The following HACD1 variants were observed in gnomAD, a reference collection of about 807,000 sequenced individuals.
HACD1 encodes the protein 3-hydroxyacyl-CoA dehydratase 1, also known as very-long-chain (3R)-3-hydroxyacyl-CoA dehydratase 1.
Under a neutral mutation model 32.0 loss-of-function variants are expected in HACD1, and 41 were observed. That is an observed-to-expected ratio of 1.28 (90% CI 1.00 to 1.66). The LOEUF (loss-of-function observed/expected upper bound fraction) is 1.66. Ranked by LOEUF, HACD1 falls within the 40% of genes most tolerant of loss-of-function variation. The pLI is 0.00. For missense variants in HACD1, 396 were observed against 380.1 expected (o/e 1.04, Z -0.35); for synonymous variants, 142 against 139.0 (o/e 1.02, Z -0.15).
intron 5 of HACD1, 71 bp downstream of exon 5, chr10:17,599,219 A>G (rs1834034622): frequency 6.4e-7 from 1 of 1,569,128 alleles, no homozygotes; most frequent in Non-Finnish European, 8.6e-7. Context: ...ACGAATTTTA[A>G]TTCTCTGGCG....
intron 5 of HACD1, among the ~76,000 whole-genome samples, chr10:17,597,767 G>T (rs1834013369): frequency 1.3e-5 from 2 of 152,104 alleles, no homozygotes; most frequent in East Asian, 3.8e-4. Context: ...CCTTTAAAAA[G>T]CTCAGTCACT....
chr10:17,597,374 G>C (rs1198364605), intron 5 of HACD1, among the ~76,000 whole-genome samples: 1 of 152,206 alleles, frequency 6.6e-6, no homozygotes, highest in Non-Finnish European at 1.5e-5. Flanking sequence ...CTGACCTCAA[G>C]TGATCCGCCC....
At chr10:17,590,540 T>C (rs2131500201) in intron 6 of HACD1, 94 bp from the exon 7 acceptor site, 1 of 830,548 alleles carries the variant, frequency 1.2e-6, no homozygotes, top group South Asian at 1.8e-5. Context: ...AGAGAGTAAA[T>C]ACATCCCATA....
In HACD1 at chr10:17,599,280, A is replaced by G; in HGVS notation, c.605+10T>C. On this transcript the variant is annotated intron_variant, in intron 5 of 6. Transcript: ENST00000361271. The stretch of plus-strand genomic sequence containing the variant: ...GGACAAGGAGAAACTAAACTGCAAG[A>G]TATCGCCACCTGGCCCATTTAATGA... 1 of 1,613,628 alleles carries G rather than the reference A, an allele frequency of 6.2e-7. No homozygotes were observed. The highest frequency in any genetic ancestry group is 8.5e-7 in the Non-Finnish European group (1 of 1,179,912).
At chr10:17,593,507 G>A (rs1037863158) in intron 6 of HACD1, among the ~76,000 whole-genome samples, 13 of 152,168 alleles carry the variant, frequency 8.5e-5, no homozygotes, top group Non-Finnish European at 1.6e-4. Context: ...TAGAGACAGG[G>A]TTTTGCCATG....
At chr10:17,612,088 A>G (rs1832991323) in intron 1 of HACD1, among the ~76,000 whole-genome samples, 1 of 148,794 alleles carries the variant, frequency 6.7e-6, no homozygotes, top group Non-Finnish European at 1.5e-5. Flanking sequence ...CCTAGGCAAC[A>G]AAGCTAAACT....
chr10:17,614,853 C>G lies in HACD1; in HGVS notation c.257+2230G>C, dbSNP rs1394808038. Among the ~76,000 whole-genome samples, 6 of 152,070 alleles carry G rather than the reference C, an allele frequency of 3.9e-5. No individual in the cohort carries two copies. In the East Asian group the frequency reaches 1.2e-3, roughly 30 times the overall value. On this transcript the variant is annotated intron_variant, in intron 1 of 6. Coordinates refer to ENST00000361271, the MANE Select transcript of HACD1 (RefSeq NM_014241.4). ...CTGCAAGCTCCCTCTCCCGGGTTCA[C>G]GCCATTCTCCTGCCTCAGCCTCCGG... is the stretch of plus-strand genomic sequence containing the variant.
chr10:17,603,571 T>TTTATG lies in HACD1; in HGVS notation c.471_472insCATAA (p.Ser158HisfsTer4). On this transcript the variant is annotated frameshift_variant, in exon 4 of 7. Transcript: ENST00000361271. LOFTEE classifies it high-confidence loss of function. ...TTTGTGTCACTTACTGGTTTTATAC[T>TTTATG]GTGAGTAATGAGCCACACCATAAAG... 6.2e-7 allele frequency: 1 copy of TTTATG among 1,610,160 alleles called. No individual in the cohort carries two copies. The highest frequency in any genetic ancestry group is 8.5e-7 in the Non-Finnish European group (1 of 1,176,556).
At chr10:17,604,080 C>A in intron 1 of HACD1, 33 bp from the exon 2 acceptor site, 3 of 1,377,564 alleles carry the variant, frequency 2.2e-6, no homozygotes, top group East Asian at 2.3e-5. Flanking sequence ...AAAGTTCTTT[C>A]GAACTTAATA....
chr10:17,609,008 G>C (rs1554817263), intron 1 of HACD1, among the ~76,000 whole-genome samples: 2 of 151,942 alleles, frequency 1.3e-5, no homozygotes, highest in African/African-American at 4.8e-5. Context: ...GCACTGTTAA[G>C]AGAATAAAAA....
In HACD1 at chr10:17,617,174, C is replaced by A; in HGVS notation, c.166G>T (p.Gly56Cys). Residue 56 changes from glycine to cysteine, a missense_variant, in exon 1 of 7, where the codon GGC (glycine) becomes TGC (cysteine). Physicochemically the swap from Gly to Cys is radical, Grantham distance 159 (BLOSUM62 -3). Transcript: ENST00000361271. ...TCGCCGGGAGCCTCCCGGTCCTCGC[C>A]GGCCTCCGAGGCGCCGCCGTTGGTG... ...DGTNGGASEA[G>C]EDREAPGERR... 2.0e-6 allele frequency: 3 copies of A among 1,504,516 alleles called. No homozygotes were observed. The highest frequency in any genetic ancestry group is 2.0e-4 in the Middle Eastern group (1 of 4,922). 93.2% of individuals were successfully genotyped at this position (1,504,516 alleles called of 1,614,324 possible).
chr10:17,605,868 T>G (rs1834139269), intron 1 of HACD1, among the ~76,000 whole-genome samples: 1 of 151,918 alleles, frequency 6.6e-6, no homozygotes, highest in African/African-American at 2.4e-5. Context: ...GCAGGAGAAT[T>G]GTTTGAACCC....
intron 1 of HACD1, 58 bp from the exon 2 acceptor site, chr10:17,604,105 AT>A (rs1834110490): frequency 8.1e-7 from 1 of 1,232,178 alleles, no homozygotes; most frequent in African/African-American, 1.5e-5. Flanking sequence ...TGATTTATAC[AT>A]TTGTGTTTAC....
In HACD1 at chr10:17,617,079, G is replaced by T. The variant is rs1554818159; in HGVS notation, c.257+4C>A. The stretch of plus-strand genomic sequence containing the variant: ...GGCCCGAGGGTGCCCCGCGGCGCGC[G>T]TACCCCGCGGTCATGGCGATGTCGT... On this transcript the variant is annotated splice_donor_region_variant and intron_variant, in intron 1 of 6. Transcript: ENST00000361271. 1.4e-6 allele frequency: 2 copies of T among 1,479,558 alleles called. No homozygotes were observed. The highest frequency in any genetic ancestry group is 8.9e-7 in the Non-Finnish European group (1 of 1,118,534). The allele number at this position is 1,479,558 out of a possible 1,614,324, so 91.7% of individuals were successfully genotyped here.
intron 1 of HACD1, chr10:17,616,086 G>A (rs1287395785): frequency 1.2e-5 from 2 of 160,910 alleles, no homozygotes; most frequent in Non-Finnish European, 2.8e-5. Context: ...GGCTAACATG[G>A]TGAAACCCCG....
At chr10:17,591,200 T>C (rs1833923531) in intron 6 of HACD1, among the ~76,000 whole-genome samples, 1 of 151,818 alleles carries the variant, frequency 6.6e-6, no homozygotes, top group South Asian at 2.1e-4. Context: ...CCCGGGTGCA[T>C]ACATCTAAGC....
intron 1 of HACD1, among the ~76,000 whole-genome samples, 185 bp from the exon 2 acceptor site, chr10:17,604,232 T>C (rs1318761282): frequency 3.9e-5 from 6 of 152,044 alleles, no homozygotes; most frequent in African/African-American, 1.4e-4. Flanking sequence ...ATGCCTGTAA[T>C]CCCCGCACTT....
intron 1 of HACD1, among the ~76,000 whole-genome samples, chr10:17,614,633 T>G (rs1437643413): frequency 6.6e-6 from 1 of 152,108 alleles, no homozygotes; most frequent in Non-Finnish European, 1.5e-5. Flanking sequence ...GAGGATTGCT[T>G]TGAGCTTCGG....
At chr10:17,608,226 C>G (rs1834176539) in intron 1 of HACD1, among the ~76,000 whole-genome samples, 1 of 151,852 alleles carries the variant, frequency 6.6e-6, no homozygotes, top group African/African-American at 2.4e-5. Context: ...TGGGGTCTCC[C>G]TATGTTGCCC....
Sources: allele counts gnomAD v4.1 joint callset (sites outside exome capture counted in the v4.1 genomes callset), GRCh38; gene constraint gnomAD v4.1.1; transcripts MANE v1.5; gene names NCBI Gene and HGNC (gene_info 2026-07-23, HGNC 2026-07-21).